Variants in PTPRA observed in about 807,000 individuals in gnomAD.
PTPRA encodes receptor-type tyrosine-protein phosphatase alpha.
In PTPRA, 25 loss-of-function variants were observed where a neutral mutation model predicts 104.8. The ratio of observed to expected loss-of-function variants is 0.24; its 90% CI spans 0.17 to 0.33. PTPRA has a LOEUF of 0.33. PTPRA is among the 10% of genes least tolerant of loss of function. The pLI is 1.00. For missense variants in PTPRA, 765 were observed against 1,015.3 expected (o/e 0.75, Z 3.35); for synonymous variants, 323 against 368.9 (o/e 0.88, Z 1.43).
Position 3,021,537 on chromosome 20 carries a change from T to C in PTPRA, c.1161+109T>C, listed in dbSNP as rs951087950. On this transcript the variant is annotated intron_variant, in intron 14 of 23. Transcript: ENST00000399903. The stretch of plus-strand genomic sequence containing the variant: ...GTCAGGAGTTGCTGAGTATGCAGTA[T>C]GTGAATTCTGAAACCAGATATCCGG... The C allele has an allele frequency of 5.6e-6, 8 of 1,426,246 alleles. No individual in the cohort carries two copies. In the African/African-American group the frequency reaches 9.9e-5, roughly 18 times the overall value. 88.3% of individuals were successfully genotyped at this position (1,426,246 alleles called of 1,614,324 possible).
intron 11 of PTPRA, among the ~76,000 whole-genome samples, chr20:3,011,876 T>C (rs1398131682): frequency 6.6e-6 from 1 of 152,230 alleles, no homozygotes; most frequent in Non-Finnish European, 1.5e-5. Flanking sequence ...AGCATGTGAC[T>C]GTCATAGTGA....
intron 13 of PTPRA, among the ~76,000 whole-genome samples, chr20:3,021,031 G>T (rs567542221): frequency 6.6e-6 from 1 of 152,214 alleles, no homozygotes. Flanking sequence ...CTTCAGATTC[G>T]CCCTGAACCA....
rs2062972787 is a variant in PTPRA at position 2,987,868 on chromosome 20, C to T, written c.528-164C>T. Reference sequence around the variant, plus strand: ...GAGTATCCCGAGGTACTCGGTCACCCCAGCATGCTGCTGCCTCAGGGTGTG... The same window carrying T: ...GAGTATCCCGAGGTACTCGGTCACCTCAGCATGCTGCTGCCTCAGGGTGTG... On this transcript the variant is annotated intron_variant, in intron 7 of 23. Coordinates refer to ENST00000399903, the MANE Select transcript of PTPRA (RefSeq NM_001385305.1). 31 of 764,760 alleles carry T rather than the reference C, an allele frequency of 4.1e-5. No individual in the cohort carries two copies. The South Asian group carries it at 4.2e-4, about 10-fold the overall frequency. The allele number at this position is 764,760 out of a possible 1,614,324, so 47.4% of individuals were successfully genotyped here.
intron 3 of PTPRA, among the ~76,000 whole-genome samples, chr20:2,951,979 G>A (rs1034578468): frequency 2.0e-5 from 3 of 152,120 alleles, no homozygotes; most frequent in Non-Finnish European, 4.4e-5. Flanking sequence ...AAATTAGCTG[G>A]GCATGGTGGT....
chr20:2,879,523 T>C (rs2089933437), intron 1 of PTPRA, among the ~76,000 whole-genome samples: 1 of 152,166 alleles, frequency 6.6e-6, no homozygotes, highest in South Asian at 2.1e-4. Flanking sequence ...GGCTGCACTT[T>C]AGATTCACCT....
chr20:3,033,536 C>G (rs895047259), intron 20 of PTPRA, among the ~76,000 whole-genome samples: 2 of 152,008 alleles, frequency 1.3e-5, no homozygotes, highest in Non-Finnish European at 2.9e-5. Flanking sequence ...CATCCTAACC[C>G]ACTTTTAGTT....
In PTPRA at chr20:3,017,828, A is replaced by T; in HGVS notation, c.956A>T (p.Glu319Val). 17 of 1,614,230 alleles carry T rather than the reference A, an allele frequency of 1.1e-5. No individual in the cohort carries two copies. The highest frequency in any genetic ancestry group is 1.4e-5 in the Non-Finnish European group (17 of 1,180,024). The change falls in exon 13 of 24, where the codon GAA (glutamate) becomes GTA (valine). Residue 319 changes from glutamate (E) to valine (V), a missense_variant. Coordinates refer to ENST00000399903, the MANE Select transcript of PTPRA (RefSeq NM_001385305.1). ...KFIAAQGPKE[E>V]TVNDFWRMIW... ...TTGGCTACTTTAGGACCAAAAGAAG[A>T]AACGGTGAATGATTTCTGGCGGATG...
chr20:2,910,752 A>AC (rs1382017781), intron 1 of PTPRA, among the ~76,000 whole-genome samples: 3 of 149,172 alleles, frequency 2.0e-5, no homozygotes, highest in African/African-American at 7.4e-5. Context: ...GACTACAGGC[A>AC]CCCACCACAC....
Position 2,909,441 on chromosome 20 carries a change from G to A in PTPRA, c.-128-13766G>A, listed in dbSNP as rs186985077. ...CTACTAAAAATACAGAAATTAGTTG[G>A]TGTGGTGGCTCACACCTATAATCCC... On this transcript the variant is annotated intron_variant, in intron 1 of 23. Transcript: ENST00000399903. 4.1e-3 allele frequency among the ~76,000 whole-genome samples: 627 copies of A among 152,056 alleles called. 7 individuals carry two copies. The highest frequency in any genetic ancestry group is 3.7e-3 in the Non-Finnish European group (253 of 68,002).
intron 13 of PTPRA, among the ~76,000 whole-genome samples, chr20:3,018,813 G>A (rs576685501): frequency 1.1e-4 from 13 of 118,652 alleles, no homozygotes; most frequent in South Asian, 8.7e-4. Context: ...GGGCAGAGGC[G>A]CCCCTCACCT....
At chr20:3,038,004 A>G (rs966148570) in intron 23 of PTPRA, 55 bp from the exon 24 acceptor site, 87 of 1,406,956 alleles carry the variant, frequency 6.2e-5, no homozygotes, top group Non-Finnish European at 8.2e-5. Flanking sequence ...TAGGAATTAC[A>G]GGTACTGTGT....
In PTPRA at chr20:2,952,980, T is replaced by C. The variant is rs181775937; in HGVS notation, c.-7+4956T>C. 4.6e-5 allele frequency among the ~76,000 whole-genome samples: 7 copies of C among 152,274 alleles called. No individual in the cohort carries two copies. In the East Asian group the frequency reaches 1.3e-3, roughly 29 times the overall value. On this transcript the variant is annotated intron_variant, in intron 3 of 23. Transcript: ENST00000399903. ...GATGGACATTTAAGTTGCTTCCTCC[T>C]TTTGGCTATTGTGAATAATGCTGCT...
At chr20:3,011,998 T>C (rs1568695966) in intron 11 of PTPRA, among the ~76,000 whole-genome samples, 2 of 152,156 alleles carry the variant, frequency 1.3e-5, no homozygotes, top group Non-Finnish European at 2.9e-5. Flanking sequence ...ACCCCAAGTC[T>C]TGTGTGGGAG....
chr20:2,865,998 A>G, the PTPRA span: 4 of 583,904 alleles, frequency 6.9e-6, no homozygotes, highest in Non-Finnish European at 1.2e-5. This position sits in a 1 kb window ranked among gnomAD's most constrained non-coding sequence, Gnocchi z 5.2. Context: ...ATTGGTCTCA[A>G]GTCTCTGACA....
intron 3 of PTPRA, among the ~76,000 whole-genome samples, chr20:2,949,042 A>G (rs958213790): frequency 6.6e-6 from 1 of 152,054 alleles, no homozygotes; most frequent in Non-Finnish European, 1.5e-5. Flanking sequence ...CTTATGGGGA[A>G]ATCTTTAAGA....
chr20:2,900,000 C>T lies in PTPRA; in HGVS notation c.-128-23207C>T, dbSNP rs577481543. On this transcript the variant is annotated intron_variant, in intron 1 of 23. Transcript: ENST00000399903. ...TAGTGGTCGCCTGTAATCTCAGCTACTCGGGAGGCTGAGGCAGGAGAATCG... is the reference window on the plus strand; with the variant it reads ...TAGTGGTCGCCTGTAATCTCAGCTATTCGGGAGGCTGAGGCAGGAGAATCG... 1.2e-4 allele frequency among the ~76,000 whole-genome samples: 19 copies of T among 152,186 alleles called. No homozygotes were observed. In the East Asian group the frequency reaches 3.7e-3, roughly 29 times the overall value.
At chr20:2,948,907 GCA>G (rs1283729342) in intron 3 of PTPRA, among the ~76,000 whole-genome samples, 1 of 151,872 alleles carries the variant, frequency 6.6e-6, no homozygotes, top group African/African-American at 2.4e-5. Flanking sequence ...AGCCGAGATT[GCA>G]CCACTGCACT....
rs71195813 is a variant in PTPRA at position 3,029,540 on chromosome 20, C to CTTTTTTTTTTTTTTTTTTTTTTTTTTT, written c.1920+1717_1920+1718insTTTTTTTTTTTTTTTTTTTTTTTTTTT. Among the ~76,000 whole-genome samples, 4 of 78,064 alleles carry CTTTTTTTTTTTTTTTTTTTTTTTTTTT rather than the reference C, an allele frequency of 5.1e-5. 1 individual carries two copies. The highest frequency in any genetic ancestry group is 5.8e-4 in the South Asian group (1 of 1,728). 51.2% of individuals were successfully genotyped at this position (78,064 alleles called of 152,430 possible). On this transcript the variant is annotated intron_variant, in intron 20 of 23. Transcript: ENST00000399903. ...GACATACTTTGTAGGTCTTCATCAT[C>CTTTTTTTTTTTTTTTTTTTTTTTTTTT]TTTTTTTTTTTTTTTTTTGAGACGG...
chr20:2,898,022 C>G (rs1461132612), intron 1 of PTPRA, among the ~76,000 whole-genome samples: 1 of 151,026 alleles, frequency 6.6e-6, no homozygotes, highest in East Asian at 2.0e-4. Context: ...AAGCGATCCT[C>G]CTGCCTCAGC....
Sources: allele counts gnomAD v4.1 joint callset (sites outside exome capture counted in the v4.1 genomes callset), GRCh38; gene constraint gnomAD v4.1.1; non-coding constraint Gnocchi (gnomAD v3.1); transcripts MANE v1.5; gene names NCBI Gene and HGNC (gene_info 2026-07-23, HGNC 2026-07-21).